SORBS2: variants seen among roughly 807,000 people sequenced by gnomAD.
The protein encoded by SORBS2 is sorbin and SH3 domain-containing protein 2.
In SORBS2, 46 loss-of-function variants were observed where a neutral mutation model predicts 97.7. The ratio of observed to expected loss-of-function variants is 0.47; its 90% CI spans 0.37 to 0.60. The LOEUF is 0.60. Ranked by LOEUF, SORBS2 falls within the 20% of genes least tolerant of loss-of-function variation. The probability of loss-of-function intolerance (pLI) is 0.00; values close to 1 mark genes in which losing one functional copy is unlikely to be tolerated. For missense variants in SORBS2, 1,316 were observed against 1,282.3 expected (o/e 1.03, Z -0.40); for synonymous variants, 476 against 473.4 (o/e 1.01, Z -0.07).
At chr4:185,804,596 G>T (rs553669800) in intron 1 of SORBS2, among the ~76,000 whole-genome samples, 31 of 152,208 alleles carry the variant, frequency 2.0e-4, no homozygotes, top group Non-Finnish European at 4.6e-4. Context: ...CTACTTTTTA[G>T]TATTTGGTAT....
rs1554199466 is a variant in SORBS2, at chr4:185,709,320, T to TTCTTTTTTTC, written c.-197-30499_-197-30498insGAAAAAAAGA. Among the ~76,000 whole-genome samples, 330 of 141,040 alleles carry TTCTTTTTTTC rather than the reference T, an allele frequency of 2.3e-3. 9 individuals carry two copies. The highest frequency in any genetic ancestry group is 7.8e-3 in the African/African-American group (296 of 37,798). 92.5% of individuals were successfully genotyped at this position (141,040 alleles called of 152,430 possible). A position where few individuals can be genotyped will look rare whatever the true frequency, so the allele number is the denominator to read the frequency against. On this transcript the variant is annotated intron_variant, in intron 2 of 20. Transcript: ENST00000284776. Reference sequence around the variant, plus strand: ...TGGCCAAATCTTTTTTTTTTTTTTTTTTTTAGTAAAAGGAAACTAAAGTTA... The same window carrying TTCTTTTTTTC: ...TGGCCAAATCTTTTTTTTTTTTTTTTTCTTTTTTTCTTTTAGTAAAAGGAAACTAAAGTTA...
At chr4:185,871,961 C>T (rs747818552) in intron 1 of SORBS2, among the ~76,000 whole-genome samples, 16 of 152,236 alleles carry the variant, frequency 1.1e-4, no homozygotes, top group Non-Finnish European at 2.1e-4. Flanking sequence ...GCAAACCATA[C>T]AGACTTTCTT....
intron 1 of SORBS2, among the ~76,000 whole-genome samples, chr4:185,915,293 C>T (rs1415360018): frequency 6.6e-6 from 1 of 152,200 alleles, no homozygotes; most frequent in South Asian, 2.1e-4. Flanking sequence ...TCATAGAAGC[C>T]TCCCTCCAAG....
chr4:185,677,430 G>T lies in SORBS2; in HGVS notation c.-46+993C>A, dbSNP rs1169613052. The T allele has an allele frequency of 2.6e-6, 4 of 1,552,092 alleles. No homozygotes were observed. The African/African-American group carries it at 5.5e-5, about 21-fold the overall frequency. On this transcript the variant is annotated intron_variant, in intron 4 of 20. Transcript: ENST00000284776. ...AGTGATTTTTTGTGTATATGACATG[G>T]TTGTGTTAGATTCTTCAGAATATAC... is the stretch of plus-strand genomic sequence containing the variant.
Position 185,614,842 on chromosome 4 carries a change from A to G in SORBS2, c.2584T>C (p.Ser862Pro), listed in dbSNP as rs557840549. ...ACCAGCTGGGCTACCTTTCTCAGTG[A>G]CAGCTCCACATTTGTGTCTGCGTTG... Residue 862 changes from serine to proline, a missense_variant, in exon 11 of 15, where the codon TCA becomes CCA. Transcript: ENST00000418609. 7.4e-6 allele frequency: 12 copies of G among 1,614,114 alleles called. No homozygotes were observed. In the African/African-American group the frequency reaches 1.6e-4, roughly 22 times the overall value.
At position 185,646,838 on chromosome 4, in the gene SORBS2, G is replaced by A. The variant is rs199505119; in HGVS notation, c.282-56C>T. The A allele has an allele frequency of 3.7e-5, 37 of 995,196 alleles. No individual in the cohort carries two copies. The East Asian group carries it at 7.6e-4, about 20-fold the overall frequency. 61.6% of individuals were successfully genotyped at this position (995,196 alleles called of 1,614,324 possible). A position where few individuals can be genotyped will look rare whatever the true frequency, so the allele number is the denominator to read the frequency against. The stretch of plus-strand genomic sequence containing the variant: ...ATAATCCTTTTTGCTTAAAGCAATT[G>A]TGTAAAACCAGTTATCTGTTTTCAA... On this transcript the variant is annotated intron_variant, in intron 3 of 14. Coordinates refer to ENST00000418609, the Ensembl canonical transcript of SORBS2.
At chr4:185,823,329 A>G (rs1027841610) in intron 1 of SORBS2, among the ~76,000 whole-genome samples, 19 of 152,216 alleles carry the variant, frequency 1.2e-4, no homozygotes, top group African/African-American at 4.6e-4. Context: ...TTCACATTAT[A>G]TTTTAAATAA....
At chr4:185,609,759 GTTC>G (rs2096501808) in intron 12 of SORBS2, among the ~76,000 whole-genome samples, 1 of 152,214 alleles carries the variant, frequency 6.6e-6, no homozygotes, top group African/African-American at 2.4e-5. Context: ...TTATTAATGA[GTTC>G]TCTGTTTGTA....
At chr4:185,808,930 T>A (rs933223901) in intron 1 of SORBS2, among the ~76,000 whole-genome samples, 1 of 152,228 alleles carries the variant, frequency 6.6e-6, no homozygotes, top group Non-Finnish European at 1.5e-5. Flanking sequence ...ATTATTTATA[T>A]ACTAAAACAT....
chr4:185,721,084 C>T (rs1352276390), intron 2 of SORBS2, among the ~76,000 whole-genome samples: 40 of 92,168 alleles, frequency 4.3e-4, no homozygotes, highest in Middle Eastern at 7.8e-3. Flanking sequence ...CCCACCTATT[C>T]TTTTTTTTTT....
intron 1 of SORBS2, among the ~76,000 whole-genome samples, chr4:185,837,825 A>G: frequency 6.6e-6 from 1 of 151,678 alleles, no homozygotes; most frequent in Middle Eastern, 3.4e-3. Context: ...CTATCCCCAA[A>G]GGCATAATTT....
At chr4:185,809,930 C>T (rs1430926382) in intron 1 of SORBS2, among the ~76,000 whole-genome samples, 4 of 152,092 alleles carry the variant, frequency 2.6e-5, no homozygotes, top group Non-Finnish European at 5.9e-5. Flanking sequence ...TGCACTGTGT[C>T]AATTCTAAGA....
chr4:185,717,901 C>T (rs755744654), intron 2 of SORBS2, among the ~76,000 whole-genome samples: 9 of 152,138 alleles, frequency 5.9e-5, no homozygotes, highest in Admixed American at 2.0e-4. Context: ...AACCGAAATA[C>T]GTTACAGTAA....
At chr4:185,832,047 T>C (rs1017567477) in intron 1 of SORBS2, among the ~76,000 whole-genome samples, 2 of 152,358 alleles carry the variant, frequency 1.3e-5, no homozygotes, top group East Asian at 1.9e-4. Context: ...AATCCTTTTA[T>C]TGAAGAGAAG....
intron 1 of SORBS2, among the ~76,000 whole-genome samples, chr4:185,950,024 C>A (rs60472402): frequency 1.3e-5 from 2 of 152,224 alleles, no homozygotes; most frequent in South Asian, 4.1e-4. Context: ...GAGGCCAAGG[C>A]GGGCGGATCA....
At chr4:185,905,421 A>G (rs968449192) in intron 1 of SORBS2, among the ~76,000 whole-genome samples, 1 of 152,210 alleles carries the variant, frequency 6.6e-6, no homozygotes, top group African/African-American at 2.4e-5. Flanking sequence ...TTATTTTTAT[A>G]CAGAGGTCTA....
chr4:185,613,630 G>A (rs1257788649), intron 11 of SORBS2, among the ~76,000 whole-genome samples: 1 of 120,816 alleles, frequency 8.3e-6, no homozygotes, highest in Non-Finnish European at 1.6e-5. Context: ...CTGGGTGACA[G>A]AGTGACACTC....
At chr4:185,675,994 A>G (rs1262822925) in intron 4 of SORBS2, among the ~76,000 whole-genome samples, 1 of 152,036 alleles carries the variant, frequency 6.6e-6, no homozygotes, top group Non-Finnish European at 1.5e-5. Flanking sequence ...CTCCTCGAGG[A>G]TATGTTTTGG....
At chr4:185,744,437 C>T (rs1023962589) in intron 2 of SORBS2, among the ~76,000 whole-genome samples, 1 of 152,112 alleles carries the variant, frequency 6.6e-6, no homozygotes, top group African/African-American at 2.4e-5. Flanking sequence ...TAGAAATAGT[C>T]CATTGACTAT....
Sources: gnomAD v4.1 joint callset for allele counts (sites outside exome capture counted in the v4.1 genomes callset) on GRCh38, gnomAD v4.1.1 for gene constraint, MANE v1.5 for transcripts, NCBI Gene and HGNC (gene_info 2026-07-23, HGNC 2026-07-21) for gene names.